CCDC85A: variants seen among roughly 807,000 people sequenced by gnomAD.
The protein encoded by CCDC85A is coiled-coil domain-containing protein 85A.
Under a neutral mutation model 50.2 loss-of-function variants are expected in CCDC85A, and 38 were observed. That is an observed-to-expected ratio of 0.76 (90% CI 0.58 to 0.99). The LOEUF is 0.99. Ranked by LOEUF, CCDC85A falls within the 50% of genes least tolerant of loss-of-function variation. CCDC85A has a pLI of 0.00. For missense variants in CCDC85A, 820 were observed against 742.0 expected, an observed-to-expected ratio of 1.11 and a Z score of -1.22; for synonymous variants, 366 against 301.4, an observed-to-expected ratio of 1.21 and a Z score of -2.22.
chr2:56,340,367 C>T (rs1272437792), intron 2 of CCDC85A, among the ~76,000 whole-genome samples: 1 of 152,154 alleles, frequency 6.6e-6, no homozygotes, highest in Non-Finnish European at 1.5e-5. Context: ...AGGTGCACTA[C>T]CGTATTGCCT....
chr2:56,307,966 T>C (rs928542696), intron 2 of CCDC85A, among the ~76,000 whole-genome samples: 3 of 152,228 alleles, frequency 2.0e-5, no homozygotes, highest in Non-Finnish European at 4.4e-5. Flanking sequence ...TTTTCAACAG[T>C]AAACACTTAA....
At chr2:56,372,228 C>CT in intron 3 of CCDC85A, 116 bp from the exon 4 acceptor site, 2 of 1,018,416 alleles carry the variant, frequency 2.0e-6, no homozygotes, top group Non-Finnish European at 2.7e-6. Flanking sequence ...CATGTTACAG[C>CT]TTGCCATTGT....
chr2:56,299,285 G>A (rs924564600), intron 2 of CCDC85A, among the ~76,000 whole-genome samples: 2 of 152,158 alleles, frequency 1.3e-5, no homozygotes, highest in African/African-American at 4.8e-5. Flanking sequence ...CATCTTTAAT[G>A]AGAGAAGAGG....
chr2:56,379,895 C>A (rs1040304723), intron 5 of CCDC85A: 3 of 546,482 alleles, frequency 5.5e-6, no homozygotes, highest in African/African-American at 2.0e-5. Flanking sequence ...AAAGCCACAT[C>A]GTAGCTTAGC....
intron 5 of CCDC85A, among the ~76,000 whole-genome samples, chr2:56,377,245 C>T (rs767839795): frequency 6.6e-6 from 1 of 152,046 alleles, no homozygotes; most frequent in African/African-American, 2.4e-5. Flanking sequence ...CACTGCTTTG[C>T]CTCTAGTGGG....
At chr2:56,212,684 G>A (rs1240260836) in intron 2 of CCDC85A, among the ~76,000 whole-genome samples, 1 of 151,926 alleles carries the variant, frequency 6.6e-6, no homozygotes, top group Non-Finnish European at 1.5e-5. Flanking sequence ...GTGTGTACCC[G>A]CACTGGTGAC....
At chr2:56,265,257 G>A (rs1356140081) in intron 2 of CCDC85A, among the ~76,000 whole-genome samples, 2 of 152,198 alleles carry the variant, frequency 1.3e-5, no homozygotes, top group East Asian at 3.9e-4. Flanking sequence ...TGTCAAAGTT[G>A]CCTATAGTTG....
rs144495274 is a variant in CCDC85A at position 56,193,491 on chromosome 2, A to G, written c.1240+51A>G. 1.5e-4 allele frequency: 232 copies of G among 1,511,680 alleles called. No individual in the cohort carries two copies. The African/African-American group carries it at 2.9e-3, about 19-fold the overall frequency. 93.6% of individuals were successfully genotyped at this position (1,511,680 alleles called of 1,614,324 possible). ...GCTTGGGCTGGGGAACTCAGTAGAG[A>G]GTTACGAATGATGATGGACTTTCCA... On this transcript the variant is annotated intron_variant, in intron 2 of 5. Transcript: ENST00000407595.
At chr2:56,332,957 T>A (rs975205741) in intron 2 of CCDC85A, among the ~76,000 whole-genome samples, 1 of 152,184 alleles carries the variant, frequency 6.6e-6, no homozygotes, top group African/African-American at 2.4e-5. Flanking sequence ...TAAGGGGAAC[T>A]TCTACATTAC....
At chr2:56,216,884 G>C (rs553555243) in intron 2 of CCDC85A, among the ~76,000 whole-genome samples, 1 of 151,696 alleles carries the variant, frequency 6.6e-6, no homozygotes, top group African/African-American at 2.4e-5. Flanking sequence ...TGCTCATGGG[G>C]CCAAGGGAAT....
chr2:56,359,413 A>T (rs1675416021), intron 3 of CCDC85A, among the ~76,000 whole-genome samples: 1 of 152,156 alleles, frequency 6.6e-6, no homozygotes, highest in Non-Finnish European at 1.5e-5. Context: ...CTTTTTTGAA[A>T]CATATGTCTA....
At chr2:56,267,035 C>T (rs76660805) in intron 2 of CCDC85A, among the ~76,000 whole-genome samples, 1 of 148,820 alleles carries the variant, frequency 6.7e-6, no homozygotes, top group African/African-American at 2.5e-5. Context: ...ACAGCTTTAG[C>T]TTTTTTTTTT....
At chr2:56,202,802 G>A (rs1023173694) in intron 2 of CCDC85A, among the ~76,000 whole-genome samples, 3 of 152,182 alleles carry the variant, frequency 2.0e-5, no homozygotes, top group Admixed American at 2.0e-4. Flanking sequence ...AATTAACCAA[G>A]CTCATTAATT....
At chr2:56,229,671 T>C (rs1044172109) in intron 2 of CCDC85A, among the ~76,000 whole-genome samples, 2 of 152,174 alleles carry the variant, frequency 1.3e-5, no homozygotes, top group African/African-American at 4.8e-5. Context: ...GGTCTATTTG[T>C]CTTTAAAGAT....
intron 2 of CCDC85A, among the ~76,000 whole-genome samples, chr2:56,250,220 C>G (rs1480287168): frequency 1.3e-5 from 2 of 151,932 alleles, no homozygotes. Flanking sequence ...TTTGGTAAGC[C>G]CACTTAAAAT....
chr2:56,375,037 G>T lies in CCDC85A; in HGVS notation c.1453-779G>T, dbSNP rs190930542. On this transcript the variant is annotated intron_variant, in intron 4 of 5. Transcript: ENST00000407595. ...AGATTTGGAAAATTCCCATGTGACTGCTTTTTCTAGGAGAGTAGATAACTG... is the reference window on the plus strand; with the variant it reads ...AGATTTGGAAAATTCCCATGTGACTTCTTTTTCTAGGAGAGTAGATAACTG... Among the ~76,000 whole-genome samples the T allele has an allele frequency of 9.9e-4, 150 of 152,260 alleles. 1 individual carries two copies. The highest frequency in any genetic ancestry group is 3.4e-3 in the African/African-American group (143 of 41,530).
chr2:56,207,287 T>C (rs1676998309), intron 2 of CCDC85A, among the ~76,000 whole-genome samples: 1 of 152,142 alleles, frequency 6.6e-6, no homozygotes, highest in Admixed American at 6.5e-5. Context: ...TAGGAGTGCA[T>C]AGGGAAGAGT....
intron 2 of CCDC85A, among the ~76,000 whole-genome samples, chr2:56,267,784 T>TA (rs1670518787): frequency 6.6e-6 from 1 of 152,190 alleles, no homozygotes; most frequent in Non-Finnish European, 1.5e-5. Flanking sequence ...GAATTACACT[T>TA]ACAATAAAAA....
chr2:56,350,752 C>CTTTTTTTTTTTT (rs373522130), intron 3 of CCDC85A, among the ~76,000 whole-genome samples: 1 of 129,052 alleles, frequency 7.7e-6, no homozygotes, highest in African/African-American at 2.8e-5. Context: ...GAGACCTTTC[C>CTTTTTTTTTTTT]TTTTTTTTTT....
Sources: gnomAD v4.1 joint callset for allele counts (sites outside exome capture counted in the v4.1 genomes callset) on GRCh38, gnomAD v4.1.1 for gene constraint, MANE v1.5 for transcripts, NCBI Gene and HGNC (gene_info 2026-07-23, HGNC 2026-07-21) for gene names.